The following NIPAL2 variants were observed in gnomAD, a reference collection of about 807,000 sequenced individuals.
NIPAL2 encodes the protein NIPA-like protein 2.
In NIPAL2, 43 loss-of-function variants were observed where a neutral mutation model predicts 48.9. The observed-to-expected ratio is 0.88, with a 90% CI of 0.69 to 1.13. The LOEUF is 1.13. Ranked by LOEUF, NIPAL2 falls within the 50% of genes most tolerant of loss-of-function variation. The probability of loss-of-function intolerance (pLI) is 0.00; values close to 1 mark genes in which losing one functional copy is unlikely to be tolerated. For synonymous variants in NIPAL2, 167 were observed against 174.6 expected, an observed-to-expected ratio of 0.96 and a Z score of 0.34; for missense variants, 446 against 461.4, an observed-to-expected ratio of 0.97 and a Z score of 0.31.
At chr8:98,210,943 C>T (rs771671658) in intron 6 of NIPAL2, among the ~76,000 whole-genome samples, 5 of 152,134 alleles carry the variant, frequency 3.3e-5, no homozygotes, top group Non-Finnish European at 7.3e-5. Context: ...CCTGCAAGGG[C>T]CAATCAGAAA....
At chr8:98,287,075 T>C (rs1186020914) in intron 1 of NIPAL2, among the ~76,000 whole-genome samples, 1 of 151,922 alleles carries the variant, frequency 6.6e-6, no homozygotes, top group Non-Finnish European at 1.5e-5. Flanking sequence ...ACAGAAGTTA[T>C]AAATGGAATA....
At position 98,294,014 on chromosome 8, in the gene NIPAL2, G is replaced by T. The variant is rs1026779970; in HGVS notation, c.124C>A (p.Arg42Ser). The change falls in exon 1 of 11, where the codon CGC becomes AGC. Residue 42 changes from arginine to serine, a missense_variant. Transcript: ENST00000430223. ...GGGGCGGCCCTTACCTGGTTCCTGC[G>T]GTACCAGTCGCCCGAGAGGGAGCCG... is the stretch of plus-strand genomic sequence containing the variant. ...GNGSLSGDWY[R>S]RNQIHLFGVL... The T allele has an allele frequency of 6.0e-6, 9 of 1,492,790 alleles. No individual in the cohort carries two copies. The highest frequency in any genetic ancestry group is 8.0e-6 in the Non-Finnish European group (9 of 1,120,856). The allele number at this position is 1,492,790 out of a possible 1,614,324, so 92.5% of individuals were successfully genotyped here. A position where few individuals can be genotyped will look rare whatever the true frequency, so the allele number is the denominator to read the frequency against.
chr8:98,221,100 C>T (rs1026486577), intron 5 of NIPAL2, among the ~76,000 whole-genome samples: 9 of 150,994 alleles, frequency 6.0e-5, no homozygotes, highest in Admixed American at 1.3e-4. Flanking sequence ...CTCAGCCTCC[C>T]GAGTAGCTGG....
intron 1 of NIPAL2, among the ~76,000 whole-genome samples, chr8:98,270,645 A>G (rs901080890): frequency 1.3e-5 from 2 of 151,838 alleles, no homozygotes; most frequent in African/African-American, 2.4e-5. Flanking sequence ...TTTTCTTTCT[A>G]TAGGTTTTTT....
chr8:98,207,155 C>T (rs1049654328), intron 6 of NIPAL2, among the ~76,000 whole-genome samples: 2 of 152,190 alleles, frequency 1.3e-5, no homozygotes, highest in East Asian at 3.8e-4. Context: ...GTTGAACGTA[C>T]TGTTCCATTA....
In NIPAL2 at chr8:98,264,732, TC is replaced by T. The variant is rs1331934143; in HGVS notation, c.136-10646del. 1.6e-4 allele frequency among the ~76,000 whole-genome samples: 25 copies of T among 151,822 alleles called. No homozygotes were observed. The East Asian group carries it at 3.3e-3, about 20-fold the overall frequency. ...AAGGTAATTTACAGATTCAATGCCATCCCCATCAAGCTACCAATGCCTTTCT... is the reference window on the plus strand; with the variant it reads ...AAGGTAATTTACAGATTCAATGCCATCCCATCAAGCTACCAATGCCTTTCT... On this transcript the variant is annotated intron_variant, in intron 1 of 10. Transcript: ENST00000430223.
chr8:98,245,196 A>G (rs1813245851), intron 3 of NIPAL2, among the ~76,000 whole-genome samples: 1 of 152,220 alleles, frequency 6.6e-6, no homozygotes, highest in Non-Finnish European at 1.5e-5. Context: ...CTTTCATGTC[A>G]GTCACAATCA....
intron 1 of NIPAL2, among the ~76,000 whole-genome samples, chr8:98,281,359 G>C (rs1030041719): frequency 2.0e-5 from 3 of 152,052 alleles, no homozygotes; most frequent in Non-Finnish European, 4.4e-5. Context: ...CTGGGGTAGG[G>C]GGCGGTGAGG....
chr8:98,196,622 T>C (rs903742803), intron 8 of NIPAL2, among the ~76,000 whole-genome samples: 1 of 152,266 alleles, frequency 6.6e-6, no homozygotes. Context: ...TTTGATGAAC[T>C]TTGCTTCTCT....
intron 1 of NIPAL2, among the ~76,000 whole-genome samples, chr8:98,278,224 TTTTGTTTG>T (rs142485145): frequency 1.3e-5 from 2 of 152,112 alleles, no homozygotes; most frequent in African/African-American, 4.8e-5. Context: ...TATCATGGTT[TTTTGTTTG>T]TTTGTTTGTT....
At chr8:98,288,179 A>G (rs1214707147) in intron 1 of NIPAL2, among the ~76,000 whole-genome samples, 1 of 146,752 alleles carries the variant, frequency 6.8e-6, no homozygotes, top group East Asian at 2.1e-4. Context: ...TCCCAATGCT[A>G]TCCTTCTCCC....
intron 4 of NIPAL2, among the ~76,000 whole-genome samples, chr8:98,232,386 A>G (rs1280522426): frequency 6.6e-6 from 1 of 152,220 alleles, no homozygotes; most frequent in Non-Finnish European, 1.5e-5. Flanking sequence ...GAGTTGTGGG[A>G]AAGGTTACCT....
At chr8:98,207,675 G>C (rs1423565811) in intron 6 of NIPAL2, among the ~76,000 whole-genome samples, 1 of 152,022 alleles carries the variant, frequency 6.6e-6, no homozygotes, top group Non-Finnish European at 1.5e-5. Flanking sequence ...AATTAAAATT[G>C]CCTGTAGTTT....
intron 1 of NIPAL2, among the ~76,000 whole-genome samples, chr8:98,284,841 G>A (rs899863931): frequency 6.6e-6 from 1 of 152,082 alleles, no homozygotes; most frequent in East Asian, 1.9e-4. Flanking sequence ...CACTAAACTT[G>A]TCCTACCTAC....
rs1249677759 is a variant in NIPAL2 at position 98,191,157 on chromosome 8, A to G, written c.*1821T>C. ...GCCTGTGTGAAATTCTACAGTGCTG[A>G]AAATCTCATGCACTCTAGCTATGAA... On this transcript the variant is annotated 3_prime_UTR_variant, in exon 11 of 11. Transcript: ENST00000430223. 6.6e-6 allele frequency: 1 copy of G among 152,218 alleles called. No individual in the cohort carries two copies. The highest frequency in any genetic ancestry group is 1.5e-5 in the Non-Finnish European group (1 of 68,042). The allele number at this position is 152,218 out of a possible 1,614,324, so 9.4% of individuals were successfully genotyped here.
At chr8:98,206,776 C>CAA (rs11290720) in intron 6 of NIPAL2, among the ~76,000 whole-genome samples, 7 of 99,528 alleles carry the variant, frequency 7.0e-5, no homozygotes, top group South Asian at 3.1e-4. Context: ...GACTCTGTCT[C>CAA]AAAAAAAAAA....
rs781030583 is a variant in NIPAL2, at chr8:98,205,145, T to C, written c.757A>G (p.Ile253Val). 7.4e-6 allele frequency: 12 copies of C among 1,613,844 alleles called. No homozygotes were observed. The highest frequency in any genetic ancestry group is 6.7e-5 in the East Asian group (3 of 44,862). Residue 253 changes from isoleucine to valine, a missense_variant, in exon 7 of 11, where the codon ATC becomes GTC. Coordinates refer to ENST00000430223, the MANE Select transcript of NIPAL2 (RefSeq NM_001321635.2). ...LTYPIFYIMF[I>V]IMIASCVFQV... is the part of the protein sequence containing the mutation. ...AAAACACAAGATGCTATCATGATGATAAACATGATATAGAAAATGGGGTAA... is the reference window on the plus strand; with the variant it reads ...AAAACACAAGATGCTATCATGATGACAAACATGATATAGAAAATGGGGTAA...
chr8:98,288,430 C>A (rs1157928074), intron 1 of NIPAL2, among the ~76,000 whole-genome samples: 1 of 151,594 alleles, frequency 6.6e-6, no homozygotes, highest in African/African-American at 2.4e-5. Flanking sequence ...TTTCTTAATC[C>A]AGTCTATCAT....
chr8:98,245,140 A>G (rs1563518814), intron 3 of NIPAL2, among the ~76,000 whole-genome samples: 1 of 152,374 alleles, frequency 6.6e-6, no homozygotes, highest in Middle Eastern at 3.4e-3. Flanking sequence ...CTGACCACTT[A>G]TAATGGCAAC....
Sources: gnomAD v4.1 joint callset for allele counts (sites outside exome capture counted in the v4.1 genomes callset) on GRCh38, gnomAD v4.1.1 for gene constraint, MANE v1.5 for transcripts, NCBI Gene and HGNC (gene_info 2026-07-23, HGNC 2026-07-21) for gene names.